Variants in TAGAP observed in about 807,000 individuals in gnomAD.
TAGAP encodes T cell activation RhoGTPase activating protein.
TAGAP carries 16 observed loss-of-function variants against 36.0 expected under a neutral mutation model. The observed-to-expected ratio is 0.44, with a 90% CI of 0.30 to 0.68. The LOEUF is 0.68. Ranked by LOEUF, TAGAP falls within the 30% of genes least tolerant of loss-of-function variation. The pLI is 0.09. For missense variants in TAGAP, 794 were observed against 921.5 expected (o/e 0.86, Z 1.79); for synonymous variants, 372 against 377.4 (o/e 0.99, Z 0.17).
chr6:159,043,483 C>G, intron 4 of TAGAP, 106 bp downstream of exon 4: 1 of 1,035,482 alleles, frequency 9.7e-7, no homozygotes, highest in Non-Finnish European at 1.5e-6. Context: ...AACAGAACAA[C>G]TTATACAAAA....
chr6:159,038,886 C>T (rs1405403166), intron 8 of TAGAP: 1 of 1,394,422 alleles, frequency 7.2e-7, no homozygotes, highest in East Asian at 2.7e-5. Context: ...GATGTAAATA[C>T]TCGCAGCACT....
rs1269181377 is a variant in TAGAP, at chr6:159,036,066, C to T, written c.1957G>A (p.Glu653Lys). ...GAGAGTCCGTGGCCAGGGAGTGGCT[C>T]TTTGCTGCCCCTGTGTCTTGAGTCC... ...VEDSRHRGSK[E>K]PLPGHGLSPL... The change falls in exon 10 of 10, where the codon GAG (glutamate) becomes AAG (lysine). Residue 653 changes from glutamate to lysine, a missense_variant. Glu to Lys is a moderately conservative substitution (Grantham distance 56). Coordinates refer to ENST00000367066, the MANE Select transcript of TAGAP (RefSeq NM_054114.5). The surrounding 1 kb of genome is among the most constrained non-coding windows in gnomAD (Gnocchi z 4.9). 2 of 1,612,832 alleles carry T rather than the reference C, an allele frequency of 1.2e-6. No individual in the cohort carries two copies. Among genetic ancestry groups the T allele is most frequent in the Non-Finnish European group, 8.5e-7 (1 of 1,178,998 alleles).
rs574880112 is a variant in TAGAP, at chr6:159,037,284, C to T, written c.899-160G>A. Among the ~76,000 whole-genome samples, 98 of 152,134 alleles carry T rather than the reference C, an allele frequency of 6.4e-4. No individual in the cohort carries two copies. The highest frequency in any genetic ancestry group is 2.3e-3 in the African/African-American group (95 of 41,492). On this transcript the variant is annotated intron_variant, in intron 9 of 9. Transcript: ENST00000367066. The surrounding 1 kb of genome is among the most constrained non-coding windows in gnomAD (Gnocchi z 5.1). ...TCGGCTCACTGCAACCTCTACCTCC[C>T]GGGTTCAAGTGATTCTCCTTCCTCA...
rs1178225562 is a variant in TAGAP at position 159,035,900 on chromosome 6, C to G, written c.2123G>C (p.Cys708Ser). 2 of 1,613,906 alleles carry G rather than the reference C, an allele frequency of 1.2e-6. No homozygotes were observed. The highest frequency in any genetic ancestry group is 1.7e-6 in the Non-Finnish European group (2 of 1,179,766). ...CGGCTGGCTACATCGTCGCACGAGA[C>G]AGTCCCGCTTATTCCTCTGCACGGA... ...SESVQRNKRD[C>S]LVRRCSQPVF... The change falls in exon 10 of 10, where the codon TGT becomes TCT. Residue 708 changes from cysteine to serine, a missense_variant. Coordinates refer to ENST00000367066, the MANE Select transcript of TAGAP (RefSeq NM_054114.5).
chr6:159,039,613 G>C (rs576907808), intron 7 of TAGAP, among the ~76,000 whole-genome samples: 1 of 152,276 alleles, frequency 6.6e-6, no homozygotes, highest in South Asian at 2.1e-4. Flanking sequence ...ACCATAGTTT[G>C]CCTTTATGTT....
At chr6:159,038,947 T>A (rs1030372015) in intron 8 of TAGAP, 167 bp downstream of exon 8, 182 of 1,457,652 alleles carry the variant, frequency 1.2e-4, no homozygotes, top group Middle Eastern at 2.2e-4. Flanking sequence ...TTTCATTAGA[T>A]ACATGTATCT....
chr6:159,039,598 TA>T (rs1292837510), intron 7 of TAGAP, among the ~76,000 whole-genome samples: 2 of 152,240 alleles, frequency 1.3e-5, no homozygotes, highest in African/African-American at 4.8e-5. Flanking sequence ...CAATCTGCAT[TA>T]AACACCATAG....
In TAGAP at chr6:159,035,813, G is replaced by T. The variant is rs142272168; in HGVS notation, c.*14C>A. On this transcript the variant is annotated 3_prime_UTR_variant, in exon 10 of 10. Coordinates refer to ENST00000367066, the MANE Select transcript of TAGAP (RefSeq NM_054114.5). ...CAGATAGCACAAGCTATGGCATGGC[G>T]TATGGCCTCCCTCCTAAATATACGA... is the stretch of plus-strand genomic sequence containing the variant. 1 of 1,578,308 alleles carries T rather than the reference G, an allele frequency of 6.3e-7. No individual in the cohort carries two copies. The highest frequency in any genetic ancestry group is 8.7e-7 in the Non-Finnish European group (1 of 1,154,230).
intron 7 of TAGAP, 25 bp downstream of exon 7, chr6:159,040,698 A>G (rs1358497147): frequency 1.3e-6 from 2 of 1,588,624 alleles, no homozygotes. Context: ...TGGCCTGGCA[A>G]TGACCGATGA....
chr6:159,035,989 G>A lies in TAGAP; in HGVS notation c.2034C>T (p.Asp678=). 2 of 1,614,062 alleles carry A rather than the reference G, an allele frequency of 1.2e-6. No homozygotes were observed. The highest frequency in any genetic ancestry group is 1.6e-4 in the Middle Eastern group (1 of 6,062). Residue 678 remains aspartate (D), a synonymous_variant, in exon 10 of 10, where the codon GAC becomes GAT. Coordinates refer to ENST00000367066, the MANE Select transcript of TAGAP (RefSeq NM_054114.5). ...CTGGGCCAGACACGTGCCCCAGAGAGTCCCCAGAAGCATGGACAGTTCTGC... is the reference window on the plus strand; with the variant it reads ...CTGGGCCAGACACGTGCCCCAGAGAATCCCCAGAAGCATGGACAGTTCTGC... ...KQSRTVHASG[D]SLGHVSGPGR... is the part of the protein sequence containing the mutation.
At chr6:159,042,043 A>G (rs763462219) in intron 5 of TAGAP, 35 bp downstream of exon 5, 128 of 1,583,364 alleles carry the variant, frequency 8.1e-5, no homozygotes, top group Non-Finnish European at 1.1e-4. Flanking sequence ...TCCAACTGAA[A>G]ACTGAAGTAG....
chr6:159,041,242 C>G lies in TAGAP; in HGVS notation c.477+112G>C, dbSNP rs1779737272. On this transcript the variant is annotated intron_variant, in intron 6 of 9. Transcript: ENST00000367066. This position sits in a 1 kb window ranked among gnomAD's most constrained non-coding sequence, Gnocchi z 4.1. Reference sequence around the variant, plus strand: ...AGGGCTTAATGAAAAAAATTAAACTCCAAGATCAGTGTACCTTGCTGTGTG... The same window carrying G: ...AGGGCTTAATGAAAAAAATTAAACTGCAAGATCAGTGTACCTTGCTGTGTG... 20 of 1,351,046 alleles carry G rather than the reference C, an allele frequency of 1.5e-5. No individual in the cohort carries two copies. Among genetic ancestry groups the G allele is most frequent in the Non-Finnish European group, 1.9e-5 (19 of 989,338 alleles). The allele number at this position is 1,351,046 out of a possible 1,614,324, so 83.7% of individuals were successfully genotyped here. A position where few individuals can be genotyped will look rare whatever the true frequency, so the allele number is the denominator to read the frequency against.
intron 1 of TAGAP, 102 bp downstream of exon 1, chr6:159,044,777 T>G (rs1779871231): frequency 2.5e-6 from 1 of 394,784 alleles, no homozygotes; most frequent in African/African-American, 2.1e-5. Context: ...AGTGAGAGCA[T>G]ATTCCACGGG....
rs1779463643 is a variant in TAGAP, at chr6:159,034,610, C to T, written c.*1217G>A. ...GCTCTAATACAGTACAAACATTTTACCATTATGTTTGCCAATAATTAAGCA... is the reference window on the plus strand; with the variant it reads ...GCTCTAATACAGTACAAACATTTTATCATTATGTTTGCCAATAATTAAGCA... On this transcript the variant is annotated 3_prime_UTR_variant, in exon 10 of 10. Transcript: ENST00000367066. The T allele has an allele frequency of 6.6e-6, 1 of 151,992 alleles. No individual in the cohort carries two copies. The highest frequency in any genetic ancestry group is 2.4e-5 in the African/African-American group (1 of 41,364). The allele number at this position is 151,992 out of a possible 1,614,324, so 9.4% of individuals were successfully genotyped here.
In TAGAP at chr6:159,037,293, G is replaced by A. The variant is rs1779581450; in HGVS notation, c.899-169C>T. 6.6e-6 allele frequency among the ~76,000 whole-genome samples: 1 copy of A among 152,168 alleles called. No individual in the cohort carries two copies. The highest frequency in any genetic ancestry group is 1.5e-5 in the Non-Finnish European group (1 of 68,032). On this transcript the variant is annotated intron_variant, in intron 9 of 9. Coordinates refer to ENST00000367066, the MANE Select transcript of TAGAP (RefSeq NM_054114.5). This position sits in a 1 kb window ranked among gnomAD's most constrained non-coding sequence, Gnocchi z 5.1. ...TGCAACCTCTACCTCCCGGGTTCAA[G>A]TGATTCTCCTTCCTCAGCCTCAGTA...
rs1583779345 is a variant in TAGAP, at chr6:159,041,933, G to A, written c.315+145C>T. The A allele has an allele frequency of 3.0e-5, 26 of 856,588 alleles. No homozygotes were observed. Among genetic ancestry groups the A allele is most frequent in the Non-Finnish European group, 3.7e-5 (20 of 543,486 alleles). The allele number at this position is 856,588 out of a possible 1,614,324, so 53.1% of individuals were successfully genotyped here. ...GTCAGATATTCTTCTGACTGCACGC[G>A]TATGTGGGAGTGCCATGTTGAAGAG... On this transcript the variant is annotated intron_variant, in intron 5 of 9. Transcript: ENST00000367066. This position sits in a 1 kb window ranked among gnomAD's most constrained non-coding sequence, Gnocchi z 4.1.
At chr6:159,040,492 A>G (rs1779707613) in intron 7 of TAGAP, among the ~76,000 whole-genome samples, 1 of 152,206 alleles carries the variant, frequency 6.6e-6, no homozygotes, top group African/African-American at 2.4e-5. Flanking sequence ...TGAGGATTGA[A>G]GTTCGCTTTC....
Position 159,040,790 on chromosome 6 carries a change from G to T in TAGAP, c.520C>A (p.Leu174Ile). The T allele has an allele frequency of 1.9e-6, 3 of 1,614,148 alleles. No individual in the cohort carries two copies. The highest frequency in any genetic ancestry group is 2.5e-6 in the Non-Finnish European group (3 of 1,180,012). The change falls in exon 7 of 10, where the codon CTC (leucine) becomes ATC (isoleucine). Residue 174 changes from leucine to isoleucine, a missense_variant. Coordinates refer to ENST00000367066, the MANE Select transcript of TAGAP (RefSeq NM_054114.5). Reference protein sequence around the residue: ...SIPRKLLSSDLFEEWMGALEM... With the variant: ...SIPRKLLSSDIFEEWMGALEM... ...AGAGCACCCATCCACTCCTCAAAGA[G>T]GTCGCTTGAAAGTAGCTTCCGGGGG...
rs773091324 is a variant in TAGAP, at chr6:159,036,915, C to G, written c.1108G>C (p.Ala370Pro). The G allele has an allele frequency of 6.2e-7, 1 of 1,613,740 alleles. No individual in the cohort carries two copies. Among genetic ancestry groups the G allele is most frequent in the African/African-American group, 1.3e-5 (1 of 74,908 alleles). Residue 370 changes from alanine (A) to proline (P), a missense_variant, in exon 10 of 10, where the codon GCA becomes CCA. By Grantham distance (27) the Ala-to-Pro change is conservative. Transcript: ENST00000367066. This position sits in a 1 kb window ranked among gnomAD's most constrained non-coding sequence, Gnocchi z 4.9. ...STVARLKSSL[A>P]QPDRRYSEPS... is the part of the protein sequence containing the mutation. ...TCTGAGTATCTCCTATCGGGCTGTGCGAGGGAGCTTTTCAGCCTGGCCACG... is the reference window on the plus strand; with the variant it reads ...TCTGAGTATCTCCTATCGGGCTGTGGGAGGGAGCTTTTCAGCCTGGCCACG...
Sources: allele counts gnomAD v4.1 joint callset (sites outside exome capture counted in the v4.1 genomes callset), GRCh38; gene constraint gnomAD v4.1.1; non-coding constraint Gnocchi (gnomAD v3.1); transcripts MANE v1.5; gene names NCBI Gene and HGNC (gene_info 2026-07-23, HGNC 2026-07-21).